The following CNGB1 variants were observed in gnomAD, a reference collection of about 807,000 sequenced individuals.
The protein encoded by CNGB1 is cyclic nucleotide-gated channel beta-1.
Under a neutral mutation model 151.7 loss-of-function variants are expected in CNGB1, and 126 were observed. That is an observed-to-expected ratio of 0.83 (90% CI 0.72 to 0.96). The LOEUF is 0.96. CNGB1 is among the 40% of genes least tolerant of loss of function. The pLI, the probability that CNGB1 is intolerant of heterozygous loss-of-function variation, is 0.00. For synonymous variants in CNGB1, 623 were observed against 635.1 expected, an observed-to-expected ratio of 0.98 and a Z score of 0.29; for missense variants, 1,698 against 1,627.0, an observed-to-expected ratio of 1.04 and a Z score of -0.75.
chr16:57,941,919 A>G (rs576528636), intron 14 of CNGB1, among the ~76,000 whole-genome samples: 49 of 152,166 alleles, frequency 3.2e-4, no homozygotes, highest in Admixed American at 1.2e-3. Flanking sequence ...TGGCATGATC[A>G]TGGCTCACTA....
chr16:57,920,285 T>C, intron 19 of CNGB1, 102 bp downstream of exon 19: 1 of 1,369,074 alleles, frequency 7.3e-7, no homozygotes, highest in South Asian at 1.2e-5. Context: ...CTCATGGACC[T>C]CAACCATTTC....
chr16:57,957,481 G>A (rs1962119897), intron 11 of CNGB1, 104 bp from the exon 12 acceptor site: 2 of 942,940 alleles, frequency 2.1e-6, no homozygotes, highest in Admixed American at 1.9e-5. Context: ...ACCTCTCCGG[G>A]CCTTAGTTGT....
At chr16:57,908,354 C>T (rs570902092) in intron 25 of CNGB1, among the ~76,000 whole-genome samples, 1 of 152,388 alleles carries the variant, frequency 6.6e-6, no homozygotes, top group East Asian at 1.9e-4. Flanking sequence ...AAGCATCCCA[C>T]CTGTTCCCAC....
chr16:57,910,937 T>A (rs1278109110), intron 25 of CNGB1, among the ~76,000 whole-genome samples: 1 of 152,160 alleles, frequency 6.6e-6, no homozygotes, highest in Non-Finnish European at 1.5e-5. Context: ...TCTAAATTGA[T>A]TGAAACTTGT....
chr16:57,904,904 G>A, intron 25 of CNGB1, 29 bp from the exon 26 acceptor site: 1 of 1,614,046 alleles, frequency 6.2e-7, no homozygotes, highest in Non-Finnish European at 8.5e-7. Flanking sequence ...GGGAACATGG[G>A]TCATCACAGG....
At chr16:57,908,886 A>C (rs555102703) in intron 25 of CNGB1, among the ~76,000 whole-genome samples, 49 of 151,964 alleles carry the variant, frequency 3.2e-4, no homozygotes, top group African/African-American at 1.2e-3. Flanking sequence ...CCCCCAGTGC[A>C]CTCTTCCATC....
At position 57,920,655 on chromosome 16, in the gene CNGB1, G is replaced by A. The variant is rs1177672119; in HGVS notation, c.1644-111C>T. ...CCACCTTCTGACAGAGCCTGAAGGA[G>A]GTAAGTCCTGCCCCCATCTCCTTCT... On this transcript the variant is annotated intron_variant, in intron 18 of 32. Transcript: ENST00000251102. The A allele has an allele frequency of 1.6e-5, 21 of 1,326,730 alleles. No individual in the cohort carries two copies. The Admixed American group carries it at 2.8e-4, about 18-fold the overall frequency. The allele number at this position is 1,326,730 out of a possible 1,614,324, so 82.2% of individuals were successfully genotyped here. A position where few individuals can be genotyped will look rare whatever the true frequency, so the allele number is the denominator to read the frequency against.
intron 29 of CNGB1, among the ~76,000 whole-genome samples, chr16:57,901,064 G>T (rs1596958695): frequency 6.6e-6 from 1 of 152,092 alleles, no homozygotes; most frequent in African/African-American, 2.4e-5. Flanking sequence ...GGAGTTGGGG[G>T]GGGGGTCTTT....
Position 57,958,401 on chromosome 16 carries a change from A to C in CNGB1, c.837+9T>G. The stretch of plus-strand genomic sequence containing the variant: ...ACCAGGGCCACCACTCCATGAGCCC[A>C]GCACTGACCTGTTCCCCTATTTTCC... On this transcript the variant is annotated intron_variant, in intron 11 of 32. Coordinates refer to ENST00000251102, the MANE Select transcript of CNGB1 (RefSeq NM_001297.5). The C allele has an allele frequency of 4.5e-6, 7 of 1,552,458 alleles. No individual in the cohort carries two copies. The highest frequency in any genetic ancestry group is 6.1e-6 in the Non-Finnish European group (7 of 1,155,168).
chr16:57,942,370 C>T (rs1472442414), intron 14 of CNGB1, among the ~76,000 whole-genome samples: 1 of 151,506 alleles, frequency 6.6e-6, no homozygotes, highest in African/African-American at 2.4e-5. Flanking sequence ...ACTGATAAGC[C>T]AATTCAGTAA....
chr16:57,939,185 G>T (rs762109371), intron 16 of CNGB1, among the ~76,000 whole-genome samples: 1 of 152,116 alleles, frequency 6.6e-6, no homozygotes, highest in Non-Finnish European at 1.5e-5. Flanking sequence ...TTTCCCCGGC[G>T]CCACTGGGAG....
In CNGB1 at chr16:57,888,016, G is replaced by C. The variant is rs377424632; in HGVS notation, c.3301C>G (p.Pro1101Ala). Residue 1101 changes from proline to alanine, a missense_variant, in exon 32 of 33, where the codon CCC becomes GCC. Coordinates refer to ENST00000251102, the MANE Select transcript of CNGB1 (RefSeq NM_001297.5). Reference sequence around the variant, plus strand: ...AAGAGCTTTGGGGTGCCCGCCCGGGGTGGAAGGATCAGCACGCTCTTCTCC... The same window carrying C: ...AAGAGCTTTGGGGTGCCCGCCCGGGCTGGAAGGATCAGCACGCTCTTCTCC... ...KEEKSVLILP[P>A]RAGTPKLFNA... The C allele has an allele frequency of 6.2e-7, 1 of 1,614,064 alleles. No individual in the cohort carries two copies. Among genetic ancestry groups the C allele is most frequent in the Non-Finnish European group, 8.5e-7 (1 of 1,180,042 alleles).
At position 57,931,817 on chromosome 16, in the gene CNGB1, G is replaced by T. The variant is rs1961359282; in HGVS notation, c.1434C>A (p.Pro478=). Residue 478 remains proline (P), a synonymous_variant, in exon 17 of 33, where the codon CCC becomes CCA. Transcript: ENST00000251102. Reference sequence around the variant, plus strand: ...AGGGTGGATTCTCTTCTGCCATGAGGGGGCAGCTATCAGCATCAGTATCTT... The same window carrying T: ...AGGGTGGATTCTCTTCTGCCATGAGTGGGCAGCTATCAGCATCAGTATCTT... The part of the protein sequence containing the change: ...QVEDTDADSC[P]LMAEENPPST... 3 of 1,614,032 alleles carry T rather than the reference G, an allele frequency of 1.9e-6. No homozygotes were observed. The highest frequency in any genetic ancestry group is 1.1e-5 in the South Asian group (1 of 91,076).
At position 57,970,510 on chromosome 16, in the gene CNGB1, A is replaced by G. The variant is rs562943951; in HGVS notation, c.-9+550T>C. Among the ~76,000 whole-genome samples the G allele has an allele frequency of 2.0e-5, 3 of 152,302 alleles. No individual in the cohort carries two copies. The East Asian group carries it at 5.8e-4, about 29-fold the overall frequency. On this transcript the variant is annotated intron_variant, in intron 1 of 32. Coordinates refer to ENST00000251102, the MANE Select transcript of CNGB1 (RefSeq NM_001297.5). ...GTCTGCCCGATTCCAGCTGCCCCAC[A>G]TGTATTCCCAGGTAGTCGTGGCATT...
intron 14 of CNGB1, among the ~76,000 whole-genome samples, chr16:57,942,098 T>C (rs1961684609): frequency 1.3e-5 from 2 of 152,102 alleles, no homozygotes; most frequent in Non-Finnish European, 2.9e-5. Flanking sequence ...CCCAGGCTGG[T>C]CTCAAACTCC....
chr16:57,938,535 T>C (rs1961572845), intron 16 of CNGB1, among the ~76,000 whole-genome samples: 1 of 152,146 alleles, frequency 6.6e-6, no homozygotes, highest in South Asian at 2.1e-4. Context: ...TTATTGCCCC[T>C]TTTTTCTTGA....
Position 57,919,086 on chromosome 16 carries a change from C to T in CNGB1, c.1957+13G>A. The T allele has an allele frequency of 6.2e-7, 1 of 1,614,190 alleles. No homozygotes were observed. Among genetic ancestry groups the T allele is most frequent in the Non-Finnish European group, 8.5e-7 (1 of 1,180,018 alleles). On this transcript the variant is annotated intron_variant, in intron 20 of 32. Coordinates refer to ENST00000251102, the MANE Select transcript of CNGB1 (RefSeq NM_001297.5). ...ATCTTACACAGTGGGAACACCCATT[C>T]CCCAGGACTCACTGGTCAGCGGGTC...
chr16:57,899,686 G>A (rs1249494849), intron 29 of CNGB1, among the ~76,000 whole-genome samples: 1 of 152,084 alleles, frequency 6.6e-6, no homozygotes, highest in East Asian at 1.9e-4. Context: ...GGTGGGGGGA[G>A]TGACCAAGGA....
chr16:57,928,158 C>T (rs375728), intron 17 of CNGB1, among the ~76,000 whole-genome samples: 28,232 of 152,244 alleles, frequency 0.19, 3,152 homozygotes, highest in East Asian at 0.35. Context: ...TTGCCTCCAG[C>T]TGTACACACA....
Sources: gnomAD v4.1 joint callset for allele counts (sites outside exome capture counted in the v4.1 genomes callset) on GRCh38, gnomAD v4.1.1 for gene constraint, MANE v1.5 for transcripts, NCBI Gene and HGNC (gene_info 2026-07-23, HGNC 2026-07-21) for gene names.